THSD7A: variants seen among roughly 807,000 people sequenced by gnomAD.
THSD7A encodes the protein thrombospondin type 1 domain containing 7A, also known as thrombospondin type-1 domain-containing protein 7A.
A neutral mutation model predicts 231.3 loss-of-function variants in THSD7A; 96 were observed. The ratio of observed to expected loss-of-function variants is 0.41; its 90% CI spans 0.35 to 0.49. The LOEUF (loss-of-function observed/expected upper bound fraction) is 0.49, where lower values mean the gene tolerates loss of function less well. Among genes scored for constraint, THSD7A ranks in the 20% least tolerant of loss-of-function variants. THSD7A has a pLI of 0.05. For synonymous variants in THSD7A, 940 were observed against 743.3 expected (o/e 1.26, Z -4.30); for missense variants, 2,290 against 2,070.2 (o/e 1.11, Z -2.06).
intron 1 of THSD7A, among the ~76,000 whole-genome samples, chr7:11,745,287 GTTGT>G (rs1320199881): frequency 6.6e-6 from 1 of 151,962 alleles, no homozygotes; most frequent in Non-Finnish European, 1.5e-5. Context: ...TTTTGATGGG[GTTGT>G]TTGTTTTTTT....
In THSD7A at chr7:11,375,893, G is replaced by A. The variant is rs758948179; in HGVS notation, c.4890-15C>T. The A allele has an allele frequency of 7.5e-6, 12 of 1,609,726 alleles. No individual in the cohort carries two copies. The highest frequency in any genetic ancestry group is 1.7e-5 in the Admixed American group (1 of 59,730). ...TTGGCTTTTTGCTGTAAAAAAATTC[G>A]GAATTAGGAGAAAGAAAATCAGTTT... On this transcript the variant is annotated splice_polypyrimidine_tract_variant and intron_variant, in intron 27 of 27. Transcript: ENST00000423059.
chr7:11,564,648 G>C (rs1277802273), intron 4 of THSD7A, among the ~76,000 whole-genome samples: 1 of 152,120 alleles, frequency 6.6e-6, no homozygotes, highest in Admixed American at 6.5e-5. Flanking sequence ...GCTGTCTCCT[G>C]ATTTCAAGGA....
At chr7:11,563,632 G>A (rs975762285) in intron 4 of THSD7A, among the ~76,000 whole-genome samples, 2 of 152,132 alleles carry the variant, frequency 1.3e-5, no homozygotes, top group East Asian at 1.9e-4. Context: ...AAAGTGCTGG[G>A]ACAAGAGGCA....
chr7:11,651,253 A>G (rs185975637), intron 1 of THSD7A, among the ~76,000 whole-genome samples: 4 of 152,136 alleles, frequency 2.6e-5, no homozygotes, highest in Admixed American at 1.3e-4. Flanking sequence ...GAGACAGAAG[A>G]TAGAGTGGTG....
chr7:11,477,809 C>T (rs1786255086), intron 7 of THSD7A, among the ~76,000 whole-genome samples: 1 of 152,156 alleles, frequency 6.6e-6, no homozygotes, highest in Non-Finnish European at 1.5e-5. Flanking sequence ...GATCTGACTG[C>T]TGCAGCTACT....
At chr7:11,826,989 A>C (rs536585713) in intron 1 of THSD7A, among the ~76,000 whole-genome samples, 1 of 152,034 alleles carries the variant, frequency 6.6e-6, no homozygotes, top group African/African-American at 2.4e-5. Flanking sequence ...GAAAATTTTA[A>C]CTTTTATATT....
At chr7:11,825,978 T>G (rs1011685921) in intron 1 of THSD7A, among the ~76,000 whole-genome samples, 1 of 152,202 alleles carries the variant, frequency 6.6e-6, no homozygotes, top group Non-Finnish European at 1.5e-5. Flanking sequence ...CCTTTGTTAC[T>G]TAAAGATTGG....
At chr7:11,750,173 G>A (rs886595733) in intron 1 of THSD7A, among the ~76,000 whole-genome samples, 8 of 151,780 alleles carry the variant, frequency 5.3e-5, no homozygotes, top group African/African-American at 1.4e-4. Context: ...ATAATATTTC[G>A]ATGAGACAAG....
intron 2 of THSD7A, among the ~76,000 whole-genome samples, chr7:11,625,742 C>T (rs1781455949): frequency 6.6e-6 from 1 of 151,944 alleles, no homozygotes; most frequent in South Asian, 2.1e-4. Flanking sequence ...ATTAAATTCC[C>T]TCTTTTATGG....
chr7:11,675,574 T>C (rs1477487912), intron 1 of THSD7A, among the ~76,000 whole-genome samples: 1 of 152,062 alleles, frequency 6.6e-6, no homozygotes, highest in African/African-American at 2.4e-5. Flanking sequence ...TCCAGCTTGG[T>C]GGGGGAAGGG....
At chr7:11,527,287 A>G (rs1788515094) in intron 6 of THSD7A, among the ~76,000 whole-genome samples, 1 of 152,148 alleles carries the variant, frequency 6.6e-6, no homozygotes, top group Non-Finnish European at 1.5e-5. Flanking sequence ...TTCTATCATG[A>G]TCTCAGCAGC....
chr7:11,587,059 C>T (rs1779938301), intron 4 of THSD7A, among the ~76,000 whole-genome samples: 1 of 152,150 alleles, frequency 6.6e-6, no homozygotes, highest in Non-Finnish European at 1.5e-5. Context: ...CACTTAAAAA[C>T]ATGTTCAATC....
At chr7:11,600,995 G>A (rs919137988) in intron 2 of THSD7A, among the ~76,000 whole-genome samples, 4 of 152,160 alleles carry the variant, frequency 2.6e-5, no homozygotes, top group African/African-American at 9.7e-5. Context: ...TCAGTGTCAT[G>A]TATTGATGCT....
intron 1 of THSD7A, among the ~76,000 whole-genome samples, chr7:11,686,744 T>C (rs980198350): frequency 6.6e-6 from 1 of 151,792 alleles, no homozygotes; most frequent in Non-Finnish European, 1.5e-5. Flanking sequence ...GAAAACAAAA[T>C]ACTGCATGTT....
chr7:11,424,131 C>T (rs1328839042), intron 16 of THSD7A, among the ~76,000 whole-genome samples: 1 of 152,136 alleles, frequency 6.6e-6, no homozygotes, highest in African/African-American at 2.4e-5. Context: ...GGCTATGGAG[C>T]ACTGAAGCAT....
chr7:11,570,228 A>C (rs1421345241), intron 4 of THSD7A, among the ~76,000 whole-genome samples: 1 of 152,198 alleles, frequency 6.6e-6, no homozygotes, highest in Non-Finnish European at 1.5e-5. Flanking sequence ...TCATTATGTT[A>C]AGTGAAATAA....
At chr7:11,418,990 T>C (rs1784051638) in intron 16 of THSD7A, among the ~76,000 whole-genome samples, 1 of 151,970 alleles carries the variant, frequency 6.6e-6, no homozygotes, top group African/African-American at 2.4e-5. Context: ...ATTAAAAAAA[T>C]GTTATGGTGA....
chr7:11,546,903 C>A (rs947580345), intron 4 of THSD7A, among the ~76,000 whole-genome samples: 6 of 151,524 alleles, frequency 4.0e-5, no homozygotes, highest in Admixed American at 3.9e-4. Context: ...ATAAGAATTT[C>A]ATAACACAAT....
At chr7:11,582,124 C>T (rs939281064) in intron 4 of THSD7A, among the ~76,000 whole-genome samples, 3 of 151,888 alleles carry the variant, frequency 2.0e-5, no homozygotes, top group African/African-American at 7.2e-5. Flanking sequence ...GTAAAAAAAT[C>T]GGTATTTTTT....
Sources: gnomAD v4.1 joint callset for allele counts (sites outside exome capture counted in the v4.1 genomes callset) on GRCh38, gnomAD v4.1.1 for gene constraint, MANE v1.5 for transcripts, NCBI Gene and HGNC (gene_info 2026-07-23, HGNC 2026-07-21) for gene names.